SH3D19: variants seen among roughly 807,000 people sequenced by gnomAD.
SH3D19 encodes the protein SH3 domain containing 19, also known as SH3 domain-containing protein 19.
SH3D19 carries 58 observed loss-of-function variants against 112.1 expected under a neutral mutation model. The ratio of observed to expected loss-of-function variants is 0.52; its 90% CI spans 0.42 to 0.64. SH3D19 has a LOEUF of 0.64. SH3D19 is among the 30% of genes least tolerant of loss of function. The pLI is 0.00. For missense variants in SH3D19, 1,090 were observed against 1,263.4 expected, an observed-to-expected ratio of 0.86 and a Z score of 2.08; for synonymous variants, 391 against 448.5, an observed-to-expected ratio of 0.87 and a Z score of 1.62.
At chr4:151,246,518 T>G (rs779370297) in intron 1 of SH3D19, among the ~76,000 whole-genome samples, 2 of 152,202 alleles carry the variant, frequency 1.3e-5, no homozygotes, top group Non-Finnish European at 2.9e-5. Flanking sequence ...TCTCCAACAT[T>G]CAGCTTCTAA....
intron 1 of SH3D19, chr4:151,277,211 G>A: frequency 2.0e-6 from 3 of 1,503,412 alleles, no homozygotes; most frequent in Non-Finnish European, 2.7e-6. Context: ...TGCTCCTTCT[G>A]CTGGGGATCT....
chr4:151,228,221 T>C (rs1769288790), intron 1 of SH3D19, among the ~76,000 whole-genome samples: 1 of 152,226 alleles, frequency 6.6e-6, no homozygotes, highest in Non-Finnish European at 1.5e-5. Context: ...ATTAGTGTTA[T>C]CTGTGTTACA....
Position 151,198,312 on chromosome 4 carries a change from A to AT in SH3D19, c.153-10850_153-10849insA, listed in dbSNP as rs1195176372. Among the ~76,000 whole-genome samples, 463 of 69,852 alleles carry AT rather than the reference A, an allele frequency of 6.6e-3. 3 individuals are homozygous for AT. The highest frequency in any genetic ancestry group is 0.045 in the Middle Eastern group (5 of 112). 45.8% of individuals were successfully genotyped at this position (69,852 alleles called of 152,430 possible). On this transcript the variant is annotated intron_variant, in intron 2 of 19. Transcript: ENST00000604030. ...ACAGCGAGACTCTGTCTCAAAAAAA[A>AT]AAAAAATATATATATAATATAAAAA...
At chr4:151,307,574 C>T (rs1729045625) in intron 1 of SH3D19, among the ~76,000 whole-genome samples, 1 of 152,232 alleles carries the variant, frequency 6.6e-6, no homozygotes, top group Non-Finnish European at 1.5e-5. Flanking sequence ...AAGGGCATCA[C>T]GTTCAGGAGT....
chr4:151,207,043 T>C (rs1246064364), intron 2 of SH3D19, among the ~76,000 whole-genome samples: 1 of 152,186 alleles, frequency 6.6e-6, no homozygotes, highest in East Asian at 1.9e-4. Context: ...AGAAAAAACT[T>C]GATTAGCATA....
intron 1 of SH3D19, among the ~76,000 whole-genome samples, chr4:151,298,514 T>G (rs79997784): frequency 0.14 from 21,643 of 152,178 alleles, 2,012 homozygotes; most frequent in Non-Finnish European, 0.22. Context: ...TTGTAGCTAA[T>G]TTGTTATAAC....
intron 9 of SH3D19, among the ~76,000 whole-genome samples, chr4:151,155,001 G>A (rs563950489): frequency 6.6e-6 from 1 of 151,462 alleles, no homozygotes; most frequent in East Asian, 2.0e-4. Context: ...CAAGTGATTT[G>A]CCCGCCTTGG....
intron 2 of SH3D19, among the ~76,000 whole-genome samples, chr4:151,190,824 G>A (rs535835293): frequency 3.3e-4 from 50 of 152,304 alleles, no homozygotes; most frequent in African/African-American, 9.4e-4. Context: ...CTGGGGCATC[G>A]CCTAGTGGAG....
intron 1 of SH3D19, among the ~76,000 whole-genome samples, chr4:151,313,758 G>C (rs1008796358): frequency 1.2e-4 from 18 of 152,140 alleles, no homozygotes; most frequent in African/African-American, 3.9e-4. Flanking sequence ...TCTCCAGGTA[G>C]CTCCAGTAGT....
At chr4:151,248,254 G>T (rs958792526) in intron 1 of SH3D19, among the ~76,000 whole-genome samples, 18 of 151,988 alleles carry the variant, frequency 1.2e-4, no homozygotes, top group African/African-American at 4.1e-4. Context: ...GTAAGTCACC[G>T]TGCCCAGCTT....
intron 1 of SH3D19, among the ~76,000 whole-genome samples, chr4:151,282,965 AC>A: frequency 1.3e-5 from 2 of 152,358 alleles, no homozygotes; most frequent in South Asian, 4.2e-4. Context: ...ATTTAAGTGT[AC>A]CAAAAGATCC....
chr4:151,135,939 G>C (rs1751739490), intron 14 of SH3D19, among the ~76,000 whole-genome samples: 2 of 152,116 alleles, frequency 1.3e-5, no homozygotes, highest in South Asian at 4.1e-4. Flanking sequence ...GGGAGGATCA[G>C]GAGTTCGAGA....
chr4:151,291,101 T>A, intron 1 of SH3D19: 1 of 1,584,084 alleles, frequency 6.3e-7, no homozygotes, highest in Admixed American at 1.7e-5. Flanking sequence ...GCTCATTACC[T>A]TTCATTTCTT....
intron 1 of SH3D19, among the ~76,000 whole-genome samples, chr4:151,321,319 G>A (rs746811302): frequency 4.6e-5 from 7 of 152,018 alleles, no homozygotes; most frequent in Non-Finnish European, 7.4e-5. Flanking sequence ...ACCCAATCTC[G>A]TCCGCCTATT....
chr4:151,232,708 A>G (rs4696237), intron 1 of SH3D19, among the ~76,000 whole-genome samples: 120,482 of 152,072 alleles, frequency 0.79, 49,941 homozygotes, highest in Non-Finnish European at 0.93. Context: ...TTCTGTGACT[A>G]CCACTCTTAA....
chr4:151,261,151 A>C (rs919711518), intron 1 of SH3D19: 2 of 152,120 alleles, frequency 1.3e-5, no homozygotes, highest in African/African-American at 4.8e-5. Flanking sequence ...TTTTTGAAGG[A>C]ATGAAAGCCT....
At chr4:151,269,940 T>C (rs1417387257) in intron 1 of SH3D19, among the ~76,000 whole-genome samples, 1 of 152,178 alleles carries the variant, frequency 6.6e-6, no homozygotes, top group African/African-American at 2.4e-5. Context: ...CCTCCACATC[T>C]TGTCCCACTG....
intron 1 of SH3D19, chr4:151,279,765 T>C (rs1774004359): frequency 6.2e-7 from 1 of 1,609,766 alleles, no homozygotes; most frequent in Non-Finnish European, 8.5e-7. Context: ...ACTCCTAGGT[T>C]TCCACATTTC....
At chr4:151,244,306 A>G (rs1323897597) in intron 1 of SH3D19, among the ~76,000 whole-genome samples, 2 of 152,202 alleles carry the variant, frequency 1.3e-5, no homozygotes, top group African/African-American at 4.8e-5. Flanking sequence ...ATCTTAGTAT[A>G]TGAATTTGGA....
Sources: allele counts gnomAD v4.1 joint callset (sites outside exome capture counted in the v4.1 genomes callset), GRCh38; gene constraint gnomAD v4.1.1; transcripts MANE v1.5; gene names NCBI Gene and HGNC (gene_info 2026-07-23, HGNC 2026-07-21).